The following CABIN1 variants were observed in gnomAD, a reference collection of about 807,000 sequenced individuals.
CABIN1 encodes calcineurin binding protein 1.
A neutral mutation model predicts 227.7 loss-of-function variants in CABIN1; 133 were observed. That is an observed-to-expected ratio of 0.58 (90% CI 0.51 to 0.67). CABIN1 has a LOEUF of 0.67. Among genes scored for constraint, CABIN1 ranks in the 30% least tolerant of loss-of-function variants. The probability of loss-of-function intolerance (pLI) is 0.00; values close to 1 mark genes in which losing one functional copy is unlikely to be tolerated. For missense variants in CABIN1, 2,408 were observed against 2,852.5 expected (o/e 0.84, Z 3.55); for synonymous variants, 1,086 against 1,155.1 (o/e 0.94, Z 1.21).
intron 26 of CABIN1, among the ~76,000 whole-genome samples, chr22:24,099,556 T>G (rs2042088697): frequency 6.6e-6 from 1 of 152,220 alleles, no homozygotes; most frequent in African/African-American, 2.4e-5. Context: ...AATCTTCAGT[T>G]CTGCAGACTT....
At chr22:24,136,548 T>TTTTTTTTTTTTTTTG (rs1333552591) in intron 29 of CABIN1, among the ~76,000 whole-genome samples, 2 of 142,556 alleles carry the variant, frequency 1.4e-5, no homozygotes, top group African/African-American at 2.7e-5. Context: ...TTTTTTTTTT[T>TTTTTTTTTTTTTTTG]AGAGACAAGG....
At chr22:24,040,249 A>G (rs1188271092) in intron 4 of CABIN1, among the ~76,000 whole-genome samples, 1 of 152,172 alleles carries the variant, frequency 6.6e-6, no homozygotes, top group Non-Finnish European at 1.5e-5. Flanking sequence ...AGATAACTGA[A>G]TGGGGCTTCA....
intron 1 of CABIN1, among the ~76,000 whole-genome samples, chr22:24,020,984 A>C (rs1428514740): frequency 6.6e-6 from 1 of 150,980 alleles, no homozygotes; most frequent in African/African-American, 2.4e-5. Context: ...TTTTTTCTCC[A>C]CTTGATTTGT....
rs573787378 is a variant in CABIN1, at chr22:24,042,971, T to A, written c.413T>A (p.Ile138Asn). The A allele has an allele frequency of 1.1e-5, 18 of 1,613,344 alleles. No individual in the cohort carries two copies. In the South Asian group the frequency reaches 1.6e-4, roughly 15 times the overall value. Residue 138 changes from isoleucine (I) to asparagine (N), a missense_variant, in exon 6 of 37, where the codon ATC becomes AAC. By Grantham distance (149) the Ile-to-Asn change is moderately radical (BLOSUM62 -3). Around this residue, in one of 3 missense-constraint regions of CABIN1, gnomAD observed 1,045 missense variants for 1,168.4 expected, o/e 0.89. Transcript: ENST00000263119. ...YKIGHVALRL[I>N]RIPLARHAFE... ...ATTGGACATGTGGCCCTGAGGCTCA[T>A]CCGGATCCCCCTGGCTCGCCATGCT...
chr22:24,042,852 G>GTGTGTGTTCAAGGAGAGATCTGAC (rs2037518502), intron 5 of CABIN1, 52 bp from the exon 6 acceptor site: 1 of 922,912 alleles, frequency 1.1e-6, no homozygotes, highest in African/African-American at 1.6e-5. Context: ...GTGTGTGTGT[G>GTGTGTGTTCAAGGAGAGATCTGAC]TGTGTGTGTG....
chr22:24,098,092 C>A lies in CABIN1; in HGVS notation c.4017C>A (p.Ser1339=). Residue 1339 remains serine (S), a synonymous_variant, in exon 26 of 37, where the codon TCC becomes TCA. Coordinates refer to ENST00000263119, the MANE Select transcript of CABIN1 (RefSeq NM_012295.4). ...TLPGPGASLP[S]SSGPGLTSPP... ...CGGGCCCCGGAGCCTCCCTCCCCTC[C>A]TCCTCTGGCCCAGGTCTGACATCCC... 6.2e-7 allele frequency: 1 copy of A among 1,614,206 alleles called. No individual in the cohort carries two copies. The highest frequency in any genetic ancestry group is 8.5e-7 in the Non-Finnish European group (1 of 1,180,032).
chr22:24,169,961 C>T (rs1013699619), intron 33 of CABIN1, among the ~76,000 whole-genome samples: 14 of 152,164 alleles, frequency 9.2e-5, no homozygotes, highest in Non-Finnish European at 8.8e-5. Flanking sequence ...GAAGACACAG[C>T]CTGGGTTATG....
At chr22:24,091,891 G>A (rs760689265) in intron 24 of CABIN1, 48 bp downstream of exon 24, 3 of 1,604,378 alleles carry the variant, frequency 1.9e-6, no homozygotes, top group Non-Finnish European at 2.6e-6. Flanking sequence ...GGGGCAGGCT[G>A]GTTTCTTTAT....
At chr22:24,110,955 T>C (rs372934853) in intron 26 of CABIN1, among the ~76,000 whole-genome samples, 1 of 152,182 alleles carries the variant, frequency 6.6e-6, no homozygotes, top group African/African-American at 2.4e-5. Flanking sequence ...CTTTTATTAT[T>C]TTTGGGAAAT....
chr22:24,148,827 G>A (rs2045315466), intron 29 of CABIN1, among the ~76,000 whole-genome samples: 1 of 152,248 alleles, frequency 6.6e-6, no homozygotes, highest in South Asian at 2.1e-4. Flanking sequence ...GGCCGGGTGT[G>A]AGCCCAGCGG....
chr22:24,178,108 A>C lies in CABIN1; in HGVS notation c.6575A>C (p.Gln2192Pro). 6.2e-7 allele frequency: 1 copy of C among 1,613,834 alleles called. No homozygotes were observed. The highest frequency in any genetic ancestry group is 8.5e-7 in the Non-Finnish European group (1 of 1,179,960). ...AACGTGAGGAAGGAGAGCCTATGCC[A>C]GCCAGCCCTGGAGGTCCTGGAGACA... ...AANVRKESLCQPALEVLETSS... is the reference protein window; with the variant it reads ...AANVRKESLCPPALEVLETSS... Residue 2192 changes from glutamine to proline, a missense_variant, in exon 37 of 37, where the codon CAG becomes CCG. Gln to Pro is a moderately conservative substitution (Grantham distance 76, BLOSUM62 -1). Transcript: ENST00000263119.
intron 7 of CABIN1, 110 bp from the exon 8 acceptor site, chr22:24,050,715 G>GA (rs2069669007): frequency 1.5e-6 from 2 of 1,363,742 alleles, no homozygotes; most frequent in Non-Finnish European, 2.1e-6. Context: ...TTTATAGGAA[G>GA]AAAAATACAC....
In CABIN1 at chr22:24,041,126, G is replaced by C. The variant is rs375061568; in HGVS notation, c.211-13G>C. 16 of 1,614,044 alleles carry C rather than the reference G, an allele frequency of 9.9e-6. No individual in the cohort carries two copies. Among genetic ancestry groups the C allele is most frequent in the South Asian group, 6.6e-5 (6 of 91,088 alleles). On this transcript the variant is annotated splice_polypyrimidine_tract_variant and intron_variant, in intron 4 of 36. Transcript: ENST00000263119. The stretch of plus-strand genomic sequence containing the variant: ...AAGGTCTAGTTGTCACTTCTGTTCT[G>C]TTTTGTTCACAGGCAGTTTCATCCG...
intron 1 of CABIN1, among the ~76,000 whole-genome samples, chr22:24,025,381 C>T (rs1004606123): frequency 2.0e-5 from 3 of 152,140 alleles, no homozygotes; most frequent in Non-Finnish European, 4.4e-5. Context: ...ATAGAAGCCA[C>T]CTGTGAAAAC....
At position 24,067,265 on chromosome 22, in the gene CABIN1, G is replaced by T. The variant is rs138990644; in HGVS notation, c.2232+84G>T. On this transcript the variant is annotated intron_variant, in intron 16 of 36. Transcript: ENST00000263119. ...TTTATTCTCTGGAGGTTCTGCGGTA[G>T]TTCTTAAGAATGTATAGCTAGAAGA... 3.2e-3 allele frequency: 4,408 copies of T among 1,396,388 alleles called. 180 individuals carry two copies. In the Admixed American group the frequency reaches 0.075, roughly 24 times the overall value. The allele number at this position is 1,396,388 out of a possible 1,614,324, so 86.5% of individuals were successfully genotyped here.
chr22:24,033,064 A>G (rs550281938), intron 1 of CABIN1, among the ~76,000 whole-genome samples: 2 of 152,104 alleles, frequency 1.3e-5, no homozygotes, highest in African/African-American at 4.8e-5. Context: ...GGCAACAGGG[A>G]GAGACTCCGT....
chr22:24,164,368 C>T, intron 29 of CABIN1, 32 bp from the exon 30 acceptor site: 6 of 1,599,872 alleles, frequency 3.8e-6, no homozygotes, highest in Non-Finnish European at 5.1e-6. Flanking sequence ...CACAACCACC[C>T]CCCTCACACA....
chr22:24,056,061 T>C (rs918181187), intron 9 of CABIN1, 131 bp from the exon 10 acceptor site: 71 of 770,268 alleles, frequency 9.2e-5, no homozygotes, highest in Non-Finnish European at 1.4e-4. Flanking sequence ...GAAGAAGAGA[T>C]GGAAGATTTT....
At chr22:24,061,220 C>T (rs2039166638) in intron 12 of CABIN1, among the ~76,000 whole-genome samples, 1 of 152,228 alleles carries the variant, frequency 6.6e-6, no homozygotes, top group African/African-American at 2.4e-5. Context: ...CAGCCTCCTC[C>T]ACTTGGTGCC....
Sources: gnomAD v4.1 joint callset for allele counts (sites outside exome capture counted in the v4.1 genomes callset) on GRCh38, gnomAD v4.1.1 for gene constraint, gnomAD v4.1.1 regional missense constraint, MANE v1.5 for transcripts, NCBI Gene and HGNC (gene_info 2026-07-23, HGNC 2026-07-21) for gene names.